Variants in MSI2 observed in about 807,000 individuals in gnomAD.
The protein encoded by MSI2 is musashi RNA binding protein 2.
Under a neutral mutation model 45.6 loss-of-function variants are expected in MSI2, and 17 were observed. The ratio of observed to expected loss-of-function variants is 0.37; its 90% CI spans 0.26 to 0.56. The LOEUF (loss-of-function observed/expected upper bound fraction) is 0.56. Among genes scored for constraint, MSI2 ranks in the 20% least tolerant of loss-of-function variants. MSI2 has a pLI of 0.77. For missense variants in MSI2, 293 were observed against 444.2 expected, an observed-to-expected ratio of 0.66 and a Z score of 3.06; for synonymous variants, 156 against 158.2, an observed-to-expected ratio of 0.99 and a Z score of 0.11.
chr17:57,469,378 G>C (rs1314199588), intron 6 of MSI2, among the ~76,000 whole-genome samples: 1 of 152,164 alleles, frequency 6.6e-6, no homozygotes, highest in East Asian at 1.9e-4. Context: ...ATCACAGTTG[G>C]GCTATTATTT....
intron 7 of MSI2, among the ~76,000 whole-genome samples, chr17:57,535,164 A>G (rs1364075149): frequency 6.6e-6 from 1 of 152,176 alleles, no homozygotes; most frequent in East Asian, 1.9e-4. Flanking sequence ...CCTGATGGAG[A>G]AAGTGGAATG....
intron 13 of MSI2, among the ~76,000 whole-genome samples, chr17:57,678,579 C>T (rs1269946773): frequency 6.6e-6 from 1 of 152,152 alleles, no homozygotes; most frequent in Non-Finnish European, 1.5e-5. Context: ...CCTGTGCTCC[C>T]TCCCTCCCTC....
intron 6 of MSI2, among the ~76,000 whole-genome samples, chr17:57,477,044 G>A (rs1598313057): frequency 6.6e-6 from 1 of 152,098 alleles, no homozygotes; most frequent in Admixed American, 6.5e-5. Context: ...AGTGGGGACA[G>A]AAAAATTCTA....
chr17:57,614,062 A>T (rs1345958355), intron 8 of MSI2, among the ~76,000 whole-genome samples: 9 of 151,392 alleles, frequency 5.9e-5, no homozygotes, highest in African/African-American at 2.2e-4. Context: ...TATTTTTTTT[A>T]TTTTTTGAGA....
At chr17:57,333,811 A>G (rs1263785885) in intron 5 of MSI2, among the ~76,000 whole-genome samples, 1 of 151,990 alleles carries the variant, frequency 6.6e-6, no homozygotes, top group African/African-American at 2.4e-5. Context: ...AAACAAAAAG[A>G]TTTGCCCTCT....
chr17:57,480,267 A>G (rs560520758), intron 6 of MSI2, among the ~76,000 whole-genome samples: 106 of 152,306 alleles, frequency 7.0e-4, no homozygotes, highest in African/African-American at 2.5e-3. Flanking sequence ...CCAGCCACGA[A>G]GGCTCTTTTG....
intron 5 of MSI2, among the ~76,000 whole-genome samples, chr17:57,305,932 C>G (rs547643857): frequency 6.6e-6 from 1 of 152,268 alleles, no homozygotes; most frequent in South Asian, 2.1e-4. Flanking sequence ...GTGTAATGCC[C>G]ATACTTTATT....
At chr17:57,321,699 G>C (rs1033367842) in intron 5 of MSI2, among the ~76,000 whole-genome samples, 7 of 152,198 alleles carry the variant, frequency 4.6e-5, no homozygotes, top group African/African-American at 1.7e-4. Flanking sequence ...AAATTAGGAA[G>C]GGCCCTGCTG....
chr17:57,311,756 A>G (rs1453392141), intron 5 of MSI2, among the ~76,000 whole-genome samples: 1 of 151,996 alleles, frequency 6.6e-6, no homozygotes, highest in Admixed American at 6.6e-5. Context: ...GGGTCTTGCT[A>G]TATTGCCCAG....
chr17:57,503,915 TTG>T (rs1488578249), intron 6 of MSI2, among the ~76,000 whole-genome samples: 3 of 152,186 alleles, frequency 2.0e-5, no homozygotes, highest in Admixed American at 2.0e-4. Context: ...CAGCTAATTT[TTG>T]TATTTTAAGT....
intron 5 of MSI2, among the ~76,000 whole-genome samples, chr17:57,337,794 A>G (rs1052578174): frequency 1.3e-5 from 2 of 152,336 alleles, no homozygotes; most frequent in Non-Finnish European, 1.5e-5. Context: ...CAGAAGATTC[A>G]AAACATATAG....
At chr17:57,378,309 G>A (rs11871758) in intron 5 of MSI2, among the ~76,000 whole-genome samples, 71,426 of 151,700 alleles carry the variant, frequency 0.47, 19,566 homozygotes, top group East Asian at 0.67. Context: ...TGTTGCCCAG[G>A]TTGGAGTGCA....
intron 5 of MSI2, among the ~76,000 whole-genome samples, chr17:57,357,233 A>G (rs1460276590): frequency 6.6e-6 from 1 of 152,130 alleles, no homozygotes; most frequent in Non-Finnish European, 1.5e-5. Context: ...GCCAAGAACC[A>G]CAGACCCAGG....
At chr17:57,464,815 G>A (rs140927638) in intron 6 of MSI2, among the ~76,000 whole-genome samples, 4 of 152,326 alleles carry the variant, frequency 2.6e-5, no homozygotes, top group East Asian at 3.9e-4. Context: ...GCCAGAAGAC[G>A]TCTGACCTTA....
chr17:57,535,931 T>A (rs2086911371), intron 7 of MSI2, among the ~76,000 whole-genome samples: 1 of 152,218 alleles, frequency 6.6e-6, no homozygotes, highest in East Asian at 1.9e-4. Flanking sequence ...TAGAAGATAA[T>A]GCTTTTCTAA....
intron 7 of MSI2, among the ~76,000 whole-genome samples, chr17:57,537,176 G>A (rs2086938341): frequency 6.6e-6 from 1 of 152,226 alleles, no homozygotes; most frequent in African/African-American, 2.4e-5. Context: ...TAAGAGGACA[G>A]CCATTGCCCC....
At chr17:57,508,993 T>C in intron 6 of MSI2, among the ~76,000 whole-genome samples, 1 of 152,318 alleles carries the variant, frequency 6.6e-6, no homozygotes, top group South Asian at 2.1e-4. Context: ...AGAGGACCCC[T>C]GAGTCAGATC....
At chr17:57,353,650 G>A (rs1014293280) in intron 5 of MSI2, among the ~76,000 whole-genome samples, 3 of 152,124 alleles carry the variant, frequency 2.0e-5, no homozygotes, top group Non-Finnish European at 4.4e-5. Context: ...TCCTCTGGAG[G>A]GTCCTTGAAT....
intron 11 of MSI2, among the ~76,000 whole-genome samples, chr17:57,654,631 C>T (rs1226970780): frequency 6.6e-6 from 1 of 152,194 alleles, no homozygotes; most frequent in Non-Finnish European, 1.5e-5. Flanking sequence ...GAAGCCCTTA[C>T]TCACCCCAGC....
Sources: gnomAD v4.1 joint callset for allele counts (sites outside exome capture counted in the v4.1 genomes callset) on GRCh38, gnomAD v4.1.1 for gene constraint, MANE v1.5 for transcripts, NCBI Gene and HGNC (gene_info 2026-07-23, HGNC 2026-07-21) for gene names.